Variants in CDIN1 observed in about 807,000 individuals in gnomAD.
CDIN1 encodes the protein CDAN1-interacting nuclease 1.
CDIN1 carries 33 observed loss-of-function variants against 45.3 expected under a neutral mutation model. The ratio of observed to expected loss-of-function variants is 0.73; its 90% CI spans 0.55 to 0.97. The LOEUF (loss-of-function observed/expected upper bound fraction) is 0.97. Ranked by LOEUF, CDIN1 falls within the 50% of genes least tolerant of loss-of-function variation. The pLI is 0.00. For synonymous variants in CDIN1, 118 were observed against 124.4 expected (o/e 0.95, Z 0.34); for missense variants, 303 against 339.4 (o/e 0.89, Z 0.84).
chr15:36,604,922 A>G (rs1436765053), intron 1 of CDIN1, among the ~76,000 whole-genome samples: 1 of 152,150 alleles, frequency 6.6e-6, no homozygotes, highest in Non-Finnish European at 1.5e-5. Flanking sequence ...GAAAATATCT[A>G]AGATTCACAT....
chr15:36,761,497 T>C (rs1172096039), intron 10 of CDIN1, among the ~76,000 whole-genome samples: 2 of 152,224 alleles, frequency 1.3e-5, no homozygotes, highest in Non-Finnish European at 2.9e-5. Flanking sequence ...CTTTCTTCTT[T>C]GCTGCCACAA....
chr15:36,787,653 T>C (rs1171534607), intron 10 of CDIN1, among the ~76,000 whole-genome samples: 1 of 152,220 alleles, frequency 6.6e-6, no homozygotes, highest in Non-Finnish European at 1.5e-5. Context: ...AGCACTATTG[T>C]GATAATACAT....
chr15:36,736,079 T>C (rs148544781), intron 10 of CDIN1, among the ~76,000 whole-genome samples: 181 of 152,306 alleles, frequency 1.2e-3, no homozygotes, highest in African/African-American at 4.2e-3. Context: ...TGGTTACTCC[T>C]AAACAGTTTC....
intron 1 of CDIN1, among the ~76,000 whole-genome samples, chr15:36,603,733 A>G (rs1365359205): frequency 2.0e-5 from 3 of 152,200 alleles, no homozygotes; most frequent in African/African-American, 7.2e-5. Flanking sequence ...AGGGACTTAT[A>G]CTTACTGTAG....
chr15:36,802,104 G>A (rs1183626386), intron 10 of CDIN1, among the ~76,000 whole-genome samples: 1 of 152,174 alleles, frequency 6.6e-6, no homozygotes, highest in African/African-American at 2.4e-5. Flanking sequence ...AGACAGTAAA[G>A]CATAGTAGTT....
In CDIN1 at chr15:36,766,999, G is replaced by A. The variant is rs546772599; in HGVS notation, c.717-41325G>A. Among the ~76,000 whole-genome samples, 22 of 152,208 alleles carry A rather than the reference G, an allele frequency of 1.4e-4. 1 individual carries two copies. The highest frequency in any genetic ancestry group is 5.1e-4 in the African/African-American group (21 of 41,530). ...CCTGTGCTTTTGGTGTCATGTCTAG[G>A]AAATCATTGTCAAGACCAAAGTCAG... On this transcript the variant is annotated intron_variant, in intron 10 of 10. Transcript: ENST00000566621.
At chr15:36,580,188 TTCAAG>T (rs1422235809) in intron 1 of CDIN1, among the ~76,000 whole-genome samples, 1 of 152,212 alleles carries the variant, frequency 6.6e-6, no homozygotes, top group Non-Finnish European at 1.5e-5. Flanking sequence ...TGCAATTAAA[TTCAAG>T]TCAACAGATA....
rs1372563485 is a variant in CDIN1 at position 36,691,825 on chromosome 15, G to C, written c.426+61G>C. ...CTGTTATCTGCCTAGCAGAGTAAAG[G>C]ATTTTAAACCTCATTTAATTACTGT... On this transcript the variant is annotated intron_variant, in intron 6 of 10. Coordinates refer to ENST00000566621, the MANE Select transcript of CDIN1 (RefSeq NM_001321759.2). 4.7e-6 allele frequency: 6 copies of C among 1,279,612 alleles called. No homozygotes were observed. The Admixed American group carries it at 1.2e-4, about 25-fold the overall frequency. The allele number at this position is 1,279,612 out of a possible 1,614,324, so 79.3% of individuals were successfully genotyped here.
intron 10 of CDIN1, among the ~76,000 whole-genome samples, chr15:36,782,759 G>C (rs938116625): frequency 1.3e-5 from 2 of 152,176 alleles, no homozygotes; most frequent in African/African-American, 2.4e-5. Flanking sequence ...TTCATCATCA[G>C]ATAACACTAA....
chr15:36,596,001 GT>G (rs2037808961), intron 1 of CDIN1, among the ~76,000 whole-genome samples: 1 of 152,092 alleles, frequency 6.6e-6, no homozygotes, highest in Admixed American at 6.5e-5. Flanking sequence ...AGAAAATTTA[GT>G]TTCCATACTC....
intron 1 of CDIN1, among the ~76,000 whole-genome samples, chr15:36,592,788 C>T (rs1454438504): frequency 6.6e-6 from 1 of 151,922 alleles, no homozygotes; most frequent in African/African-American, 2.4e-5. Context: ...ATACATGTCT[C>T]ATTTAGAAAA....
rs1566837146 is a variant in CDIN1, at chr15:36,617,962, T to G, written c.102-26316T>G. On this transcript the variant is annotated intron_variant, in intron 1 of 10. Coordinates refer to ENST00000566621, the MANE Select transcript of CDIN1 (RefSeq NM_001321759.2). ...AATTAATGGATTCTAGTATCTATAG[T>G]CAGCCCATTCAGACTCAAGCACAGT... is the stretch of plus-strand genomic sequence containing the variant. 1.3e-5 allele frequency: 10 copies of G among 764,852 alleles called. 1 individual carries two copies. The highest frequency in any genetic ancestry group is 1.2e-4 in the South Asian group (9 of 74,430). The allele number at this position is 764,852 out of a possible 1,614,324, so 47.4% of individuals were successfully genotyped here.
intron 1 of CDIN1, among the ~76,000 whole-genome samples, chr15:36,589,244 C>G (rs2037452275): frequency 6.6e-6 from 1 of 152,110 alleles, no homozygotes; most frequent in African/African-American, 2.4e-5. Context: ...ATATGCTTTA[C>G]TAGATTAAAT....
At chr15:36,712,214 T>C (rs1026024523) in intron 10 of CDIN1, among the ~76,000 whole-genome samples, 1 of 151,830 alleles carries the variant, frequency 6.6e-6, no homozygotes, top group African/African-American at 2.4e-5. Context: ...AGATTAAAGA[T>C]TGGATTTTAC....
chr15:36,713,886 C>T (rs1021326365), intron 10 of CDIN1, among the ~76,000 whole-genome samples: 2 of 152,208 alleles, frequency 1.3e-5, no homozygotes, highest in African/African-American at 4.8e-5. Flanking sequence ...TCAAACATGT[C>T]ATCGCTTGTT....
chr15:36,742,584 A>G (rs2044278208), intron 10 of CDIN1, among the ~76,000 whole-genome samples: 1 of 152,196 alleles, frequency 6.6e-6, no homozygotes, highest in African/African-American at 2.4e-5. Flanking sequence ...TCTTTATACC[A>G]TCATAGATTT....
intron 5 of CDIN1, among the ~76,000 whole-genome samples, chr15:36,682,767 C>CAAAAAAAA (rs10706117): frequency 3.3e-4 from 20 of 61,178 alleles, no homozygotes; most frequent in South Asian, 1.3e-3. Context: ...AAGACCCTGC[C>CAAAAAAAA]AAAAAAAAAA....
rs144295215 is a variant in CDIN1 at position 36,586,623 on chromosome 15, G to A, written c.101+6662G>A. ...ACAACAAAATAGCTGGGCACCTGTA[G>A]TCCTAGTTATTCAGGAGGCTGAGAT... is the stretch of plus-strand genomic sequence containing the variant. On this transcript the variant is annotated intron_variant, in intron 1 of 10. Coordinates refer to ENST00000566621, the MANE Select transcript of CDIN1 (RefSeq NM_001321759.2). Among the ~76,000 whole-genome samples the A allele has an allele frequency of 4.0e-3, 610 of 152,320 alleles. 5 individuals carry two copies. The highest frequency in any genetic ancestry group is 0.014 in the African/African-American group (578 of 41,562).
intron 8 of CDIN1, among the ~76,000 whole-genome samples, chr15:36,703,377 T>TCTGATATAC (rs1252180044): frequency 0.014 from 364 of 26,602 alleles, 21 homozygotes; most frequent in African/African-American, 0.06. Context: ...CTATCATATA[T>TCTGATATAC]ATATATATCA....
Sources: allele counts gnomAD v4.1 joint callset (sites outside exome capture counted in the v4.1 genomes callset), GRCh38; gene constraint gnomAD v4.1.1; transcripts MANE v1.5; gene names NCBI Gene and HGNC (gene_info 2026-07-23, HGNC 2026-07-21).